The following AUH variants were observed in gnomAD, a reference collection of about 807,000 sequenced individuals.
AUH encodes the protein AU RNA binding methylglutaconyl-CoA hydratase.
Under a neutral mutation model 42.3 loss-of-function variants are expected in AUH, and 29 were observed. That is an observed-to-expected ratio of 0.69 (90% CI 0.51 to 0.93). The LOEUF (loss-of-function observed/expected upper bound fraction) is 0.93, where lower values mean the gene tolerates loss of function less well. Ranked by LOEUF, AUH falls within the 40% of genes least tolerant of loss-of-function variation. AUH has a pLI of 0.00. For synonymous variants in AUH, 174 were observed against 166.4 expected, an observed-to-expected ratio of 1.05 and a Z score of -0.35; for missense variants, 452 against 438.1, an observed-to-expected ratio of 1.03 and a Z score of -0.28.
intron 3 of AUH, among the ~76,000 whole-genome samples, chr9:91,347,144 C>A (rs1429577001): frequency 3.3e-5 from 5 of 152,138 alleles, no homozygotes; most frequent in Non-Finnish European, 7.4e-5. Context: ...TCAAGCAATC[C>A]TTGCACCTCA....
chr9:91,273,006 T>C (rs978866692), intron 6 of AUH, among the ~76,000 whole-genome samples: 3 of 152,230 alleles, frequency 2.0e-5, no homozygotes, highest in Non-Finnish European at 4.4e-5. Context: ...GTCAAGTTTC[T>C]TGGCAGCTAG....
At chr9:91,334,721 T>C (rs1303016467) in intron 3 of AUH, among the ~76,000 whole-genome samples, 1 of 152,224 alleles carries the variant, frequency 6.6e-6, no homozygotes, top group South Asian at 2.1e-4. Flanking sequence ...TAATTTTAAG[T>C]TGCATTTTTC....
chr9:91,306,403 T>C (rs1409013667), intron 4 of AUH: 3 of 984,496 alleles, frequency 3.0e-6, no homozygotes, highest in Non-Finnish European at 3.6e-6. Flanking sequence ...AAAATGCTGC[T>C]TAACATGGTA....
Position 91,308,151 on chromosome 9 carries a change from G to A in AUH, c.506-10075C>T, listed in dbSNP as rs541017264. Reference sequence around the variant, plus strand: ...ATCAGAAGACAAAGAAAAGCATAACGACAGGCCTAATACCAAACACATCAA... The same window carrying A: ...ATCAGAAGACAAAGAAAAGCATAACAACAGGCCTAATACCAAACACATCAA... On this transcript the variant is annotated intron_variant, in intron 4 of 9. Transcript: ENST00000375731. Among the ~76,000 whole-genome samples, 7 of 152,142 alleles carry A rather than the reference G, an allele frequency of 4.6e-5. No homozygotes were observed. The South Asian group carries it at 1.2e-3, about 27-fold the overall frequency.
At chr9:91,359,860 A>G (rs895442380) in intron 1 of AUH, among the ~76,000 whole-genome samples, 2 of 152,280 alleles carry the variant, frequency 1.3e-5, no homozygotes, top group Admixed American at 1.3e-4. Context: ...TTTTCTTTGC[A>G]CTGCTTATTG....
chr9:91,226,061 T>C (rs2131254199), intron 6 of AUH, among the ~76,000 whole-genome samples: 1 of 148,116 alleles, frequency 6.8e-6, no homozygotes, highest in Non-Finnish European at 1.5e-5. Context: ...TTTGGGTATA[T>C]ACCCAGTAAT....
chr9:91,267,536 T>C (rs1830041767), intron 6 of AUH, among the ~76,000 whole-genome samples: 1 of 152,146 alleles, frequency 6.6e-6, no homozygotes, highest in Non-Finnish European at 1.5e-5. Flanking sequence ...CTTTTATTCC[T>C]TTGGGCCGCA....
At chr9:91,361,270 G>C (rs778442738) in intron 1 of AUH, among the ~76,000 whole-genome samples, 1 of 152,158 alleles carries the variant, frequency 6.6e-6, no homozygotes, top group Non-Finnish European at 1.5e-5. Flanking sequence ...TTTACAGAAA[G>C]CCATTACACA....
Position 91,220,880 on chromosome 9 carries a change from G to A in AUH, c.768C>T (p.His256=), listed in dbSNP as rs202068838. 41 of 1,614,124 alleles carry A rather than the reference G, an allele frequency of 2.5e-5. No individual in the cohort carries two copies. Among genetic ancestry groups the A allele is most frequent in the Middle Eastern group, 1.6e-4 (1 of 6,084 alleles). The change falls in exon 7 of 10, where the codon CAC becomes CAT. Residue 256 remains histidine, a synonymous_variant. Transcript: ENST00000375731. ...CTCCCTCCTGGTTCTGTTCCAGAAC[G>A]TGGCTGATTAAGCCCACTGCTTTGG... The part of the protein sequence containing the change: ...KEAKAVGLIS[H]VLEQNQEGDA...
intron 6 of AUH, among the ~76,000 whole-genome samples, chr9:91,284,291 A>G (rs1156439758): frequency 6.6e-6 from 1 of 152,208 alleles, no homozygotes; most frequent in Admixed American, 6.5e-5. Context: ...TCCCTTCCTT[A>G]TAACTTATAC....
intron 6 of AUH, among the ~76,000 whole-genome samples, chr9:91,225,958 C>T (rs1172201208): frequency 6.7e-6 from 1 of 149,234 alleles, no homozygotes. Context: ...CATTGTTGGA[C>T]ATTTGGGTTG....
chr9:91,251,147 G>A (rs1473784856), intron 6 of AUH, among the ~76,000 whole-genome samples: 1 of 152,168 alleles, frequency 6.6e-6, no homozygotes, highest in African/African-American at 2.4e-5. Context: ...AGGTAAGGTA[G>A]ACAGGATGGG....
At chr9:91,274,739 A>T (rs1190543371) in intron 6 of AUH, among the ~76,000 whole-genome samples, 2 of 152,212 alleles carry the variant, frequency 1.3e-5, no homozygotes, top group Admixed American at 1.3e-4. Flanking sequence ...GAAGATAAAC[A>T]TCTACTAAAC....
At chr9:91,240,040 G>A (rs1828417916) in intron 6 of AUH, among the ~76,000 whole-genome samples, 1 of 152,160 alleles carries the variant, frequency 6.6e-6, no homozygotes. Flanking sequence ...CACACTGTTA[G>A]AGAAACATAC....
chr9:91,300,984 C>T (rs1827740762), intron 4 of AUH, among the ~76,000 whole-genome samples: 1 of 152,240 alleles, frequency 6.6e-6, no homozygotes, highest in Non-Finnish European at 1.5e-5. Context: ...ATCAATGCTA[C>T]TCAATAACGT....
rs528365830 is a variant in AUH at position 91,309,084 on chromosome 9, G to T, written c.506-11008C>A. On this transcript the variant is annotated intron_variant, in intron 4 of 9. Coordinates refer to ENST00000375731, the MANE Select transcript of AUH (RefSeq NM_001698.3). ...TGGGATTACAGGCGTGAGCCACGGC[G>T]CCTGGTCTTAACTTTTATCTTAAAT... Among the ~76,000 whole-genome samples, 32 of 151,468 alleles carry T rather than the reference G, an allele frequency of 2.1e-4. No homozygotes were observed. The South Asian group carries it at 5.2e-3, about 25-fold the overall frequency.
intron 3 of AUH, among the ~76,000 whole-genome samples, chr9:91,352,419 ATAAT>A (rs1424829117): frequency 6.6e-6 from 1 of 152,024 alleles, no homozygotes; most frequent in East Asian, 1.9e-4. Context: ...GACAAAAATA[ATAAT>A]TATTTATATT....
chr9:91,253,578 T>C (rs561826751), intron 6 of AUH, among the ~76,000 whole-genome samples: 1 of 152,344 alleles, frequency 6.6e-6, no homozygotes, highest in South Asian at 2.1e-4. Context: ...TCTATTTACA[T>C]TGAACCAAAT....
chr9:91,330,764 C>T (rs1830268744), intron 3 of AUH, among the ~76,000 whole-genome samples: 1 of 152,188 alleles, frequency 6.6e-6, no homozygotes, highest in Admixed American at 6.5e-5. Context: ...ACGAATGGTA[C>T]AGGCTGAATC....
Sources: allele counts gnomAD v4.1 joint callset (sites outside exome capture counted in the v4.1 genomes callset), GRCh38; gene constraint gnomAD v4.1.1; transcripts MANE v1.5; gene names NCBI Gene and HGNC (gene_info 2026-07-23, HGNC 2026-07-21).